The following GALNT13 variants were observed in gnomAD, a reference collection of about 807,000 sequenced individuals.
GALNT13 encodes the protein UDP-GalNAc:polypeptide N-acetylgalactosaminyltransferase 13.
In GALNT13, 28 loss-of-function variants were observed where a neutral mutation model predicts 64.2. The ratio of observed to expected loss-of-function variants is 0.44; its 90% CI spans 0.32 to 0.60. GALNT13 has a LOEUF of 0.60. Ranked by LOEUF, GALNT13 falls within the 20% of genes least tolerant of loss-of-function variation. The pLI, the probability that GALNT13 is intolerant of heterozygous loss-of-function variation, is 0.05. For synonymous variants in GALNT13, 214 were observed against 224.6 expected, an observed-to-expected ratio of 0.95 and a Z score of 0.42; for missense variants, 577 against 669.8, an observed-to-expected ratio of 0.86 and a Z score of 1.53.
chr2:153,441,234 G>A, the GALNT13 span, among the ~76,000 whole-genome samples: 1 of 152,098 alleles, frequency 6.6e-6, no homozygotes, highest in South Asian at 2.1e-4. Flanking sequence ...TTTGTATCAG[G>A]TTTGTCAAAA....
At chr2:154,430,610 C>T (rs1364799398) in intron 11 of GALNT13, among the ~76,000 whole-genome samples, 3 of 152,044 alleles carry the variant, frequency 2.0e-5, no homozygotes, top group Admixed American at 1.3e-4. Flanking sequence ...AAACTCAAGT[C>T]GATAAAGCAG....
the GALNT13 span, among the ~76,000 whole-genome samples, chr2:153,776,833 G>T: frequency 6.6e-6 from 1 of 152,050 alleles, no homozygotes; most frequent in Admixed American, 6.6e-5. Context: ...CCTTATTTTA[G>T]AACTTCTCTA....
chr2:154,366,314 T>C (rs1238761597), intron 9 of GALNT13, among the ~76,000 whole-genome samples: 1 of 152,180 alleles, frequency 6.6e-6, no homozygotes. Context: ...GTTTAGAAAA[T>C]ATAATGTACA....
chr2:153,815,446 G>A, the GALNT13 span, among the ~76,000 whole-genome samples: 30 of 151,376 alleles, frequency 2.0e-4, 1 homozygote, highest in Non-Finnish European at 4.0e-4. Flanking sequence ...CATTCAGGTA[G>A]AGCCCAATTA....
At chr2:153,944,066 G>T (rs1039613848) in intron 2 of GALNT13, among the ~76,000 whole-genome samples, 5 of 152,154 alleles carry the variant, frequency 3.3e-5, no homozygotes, top group African/African-American at 9.6e-5. Flanking sequence ...CTGAATTAGA[G>T]TAAAGTCAGA....
chr2:153,629,633 A>C, the GALNT13 span, among the ~76,000 whole-genome samples: 358 of 152,118 alleles, frequency 2.4e-3, 5 homozygotes, highest in Admixed American at 0.019. Flanking sequence ...GCAACAAAAG[A>C]CAAATTGACA....
chr2:153,633,796 C>T, the GALNT13 span, among the ~76,000 whole-genome samples: 2 of 152,264 alleles, frequency 1.3e-5, no homozygotes. Flanking sequence ...CTTTGGCATC[C>T]TGTATAAAAG....
chr2:153,821,278 C>T, the GALNT13 span, among the ~76,000 whole-genome samples: 1 of 152,168 alleles, frequency 6.6e-6, no homozygotes, highest in Non-Finnish European at 1.5e-5. Context: ...CCATTAACCA[C>T]AGAATATACA....
chr2:154,454,187 T>C (rs1419996467), downstream of GALNT13, among the ~76,000 whole-genome samples: 1 of 152,176 alleles, frequency 6.6e-6, no homozygotes, highest in Non-Finnish European at 1.5e-5. Flanking sequence ...ACTTTACAGA[T>C]GACCTTGTCT....
the GALNT13 span, among the ~76,000 whole-genome samples, chr2:153,635,419 C>CATATATGTGTATATATATATACAT: frequency 1.7e-5 from 2 of 120,970 alleles, no homozygotes; most frequent in Non-Finnish European, 3.7e-5. Flanking sequence ...TATATATACA[C>CATATATGTGTATATATATATACAT]ATATATATGT....
chr2:153,133,242 C>A, the GALNT13 span, among the ~76,000 whole-genome samples: 1 of 152,082 alleles, frequency 6.6e-6, no homozygotes, highest in South Asian at 2.1e-4. Context: ...TGTAAAGGGA[C>A]TAACGAGCTG....
the GALNT13 span, among the ~76,000 whole-genome samples, chr2:153,787,053 A>G: frequency 3.3e-5 from 5 of 152,178 alleles, no homozygotes; most frequent in Admixed American, 3.3e-4. Flanking sequence ...TTCAGCCACA[A>G]CCACTGCTAA....
chr2:153,321,819 A>G, the GALNT13 span, among the ~76,000 whole-genome samples: 1 of 152,174 alleles, frequency 6.6e-6, no homozygotes, highest in Non-Finnish European at 1.5e-5. Flanking sequence ...ATGAAGTAAA[A>G]TAATGTCAAA....
intron 2 of GALNT13, among the ~76,000 whole-genome samples, chr2:153,907,468 T>C (rs1182089615): frequency 6.6e-6 from 1 of 151,826 alleles, no homozygotes; most frequent in East Asian, 1.9e-4. Flanking sequence ...ACTTGTGTCA[T>C]GGGGGTTTGT....
At chr2:153,850,441 C>G in the GALNT13 span, among the ~76,000 whole-genome samples, 6 of 152,288 alleles carry the variant, frequency 3.9e-5, no homozygotes, top group East Asian at 1.2e-3. Flanking sequence ...AACCGTGTCT[C>G]AGAATGTAGC....
the GALNT13 span, among the ~76,000 whole-genome samples, chr2:153,382,566 G>A: frequency 2.0e-5 from 3 of 151,908 alleles, no homozygotes; most frequent in East Asian, 1.9e-4. Flanking sequence ...TCTTTATTCA[G>A]TTCTACTATT....
At chr2:153,771,617 G>A in the GALNT13 span, among the ~76,000 whole-genome samples, 5 of 152,138 alleles carry the variant, frequency 3.3e-5, no homozygotes, top group Non-Finnish European at 7.4e-5. Context: ...TCTGTGAGAC[G>A]GGAAGTTATC....
the GALNT13 span, among the ~76,000 whole-genome samples, chr2:153,141,478 G>C: frequency 6.6e-6 from 1 of 152,038 alleles, no homozygotes; most frequent in East Asian, 1.9e-4. Context: ...CTTCTCAGCT[G>C]TTTTTGTCTA....
chr2:153,086,203 T>A, the GALNT13 span, among the ~76,000 whole-genome samples: 1 of 152,146 alleles, frequency 6.6e-6, no homozygotes, highest in Non-Finnish European at 1.5e-5. Context: ...AGGTAAAAGG[T>A]ACTTACCTTG....
Sources: allele counts gnomAD v4.1 joint callset (sites outside exome capture counted in the v4.1 genomes callset), GRCh38; gene constraint gnomAD v4.1.1; transcripts MANE v1.5; gene names NCBI Gene and HGNC (gene_info 2026-07-23, HGNC 2026-07-21).